PRKCA: variants seen among roughly 807,000 people sequenced by gnomAD.
The protein encoded by PRKCA is protein kinase C alpha type.
Under a neutral mutation model 87.0 loss-of-function variants are expected in PRKCA, and 27 were observed. That is an observed-to-expected ratio of 0.31 (90% CI 0.23 to 0.43). The LOEUF is 0.43. Among genes scored for constraint, PRKCA ranks in the 20% least tolerant of loss-of-function variants. The probability of loss-of-function intolerance (pLI) is 1.00; values close to 1 mark genes in which losing one functional copy is unlikely to be tolerated. For missense variants in PRKCA, 518 were observed against 852.3 expected (o/e 0.61, Z 4.88); for synonymous variants, 329 against 311.1 (o/e 1.06, Z -0.61).
intron 2 of PRKCA, among the ~76,000 whole-genome samples, chr17:66,333,694 G>C (rs887399949): frequency 6.6e-6 from 1 of 152,050 alleles, no homozygotes; most frequent in African/African-American, 2.4e-5. Context: ...CAGTTCTGTT[G>C]TCAGCCTCCC....
intron 2 of PRKCA, among the ~76,000 whole-genome samples, chr17:66,327,050 C>A (rs1441349635): frequency 6.6e-6 from 1 of 151,894 alleles, no homozygotes; most frequent in Non-Finnish European, 1.5e-5. Flanking sequence ...GCCTGAGTGA[C>A]CAAGTGATAC....
At chr17:66,565,391 A>G (rs1235354624) in intron 3 of PRKCA, among the ~76,000 whole-genome samples, 1 of 152,176 alleles carries the variant, frequency 6.6e-6, no homozygotes, top group African/African-American at 2.4e-5. Flanking sequence ...TTGCTTTCTC[A>G]TCCAGCAATC....
At chr17:66,525,573 A>G (rs977865331) in intron 3 of PRKCA, among the ~76,000 whole-genome samples, 1 of 152,172 alleles carries the variant, frequency 6.6e-6, no homozygotes, top group Admixed American at 6.6e-5. Context: ...AGGGTGGAAG[A>G]TCGCCAGGGC....
At chr17:66,557,225 T>G (rs1173221514) in intron 3 of PRKCA, among the ~76,000 whole-genome samples, 1 of 152,208 alleles carries the variant, frequency 6.6e-6, no homozygotes, top group Non-Finnish European at 1.5e-5. Flanking sequence ...TCTGATTTTT[T>G]TAAGGGCCTT....
intron 3 of PRKCA, among the ~76,000 whole-genome samples, chr17:66,623,544 A>T (rs777782651): frequency 6.6e-5 from 10 of 152,252 alleles, no homozygotes; most frequent in Non-Finnish European, 8.8e-5. Flanking sequence ...GGAATGCAGG[A>T]TTCATTCGTT....
intron 5 of PRKCA, among the ~76,000 whole-genome samples, chr17:66,682,055 C>T (rs547855342): frequency 2.2e-4 from 33 of 152,316 alleles, no homozygotes; most frequent in South Asian, 6.2e-4. Flanking sequence ...CCCAGTCCTG[C>T]GAGCTGAGGA....
intron 5 of PRKCA, among the ~76,000 whole-genome samples, chr17:66,652,242 A>G (rs1164737831): frequency 6.6e-6 from 1 of 152,174 alleles, no homozygotes; most frequent in Non-Finnish European, 1.5e-5. Context: ...TACAGGCGTG[A>G]GCCACCGTGC....
intron 2 of PRKCA, among the ~76,000 whole-genome samples, chr17:66,326,488 A>G (rs967818746): frequency 7.9e-5 from 12 of 152,210 alleles, no homozygotes; most frequent in African/African-American, 2.9e-4. Flanking sequence ...GGTTTCAAAG[A>G]TGCATGAAAA....
At chr17:66,318,332 G>A (rs570201977) in intron 2 of PRKCA, among the ~76,000 whole-genome samples, 1 of 152,210 alleles carries the variant, frequency 6.6e-6, no homozygotes, top group Admixed American at 6.5e-5. Flanking sequence ...GAAACATGGA[G>A]GAATGATTTT....
At chr17:66,420,080 C>G (rs1026164589) in intron 2 of PRKCA, among the ~76,000 whole-genome samples, 3 of 150,334 alleles carry the variant, frequency 2.0e-5, no homozygotes, top group Non-Finnish European at 4.4e-5. Context: ...GGCGCAATCT[C>G]GGCTCACTGC....
rs1976070562 is a variant in PRKCA, at chr17:66,807,987, A to G, written c.*3950A>G. 6.6e-6 allele frequency: 1 copy of G among 152,304 alleles called. No homozygotes were observed. The highest frequency in any genetic ancestry group is 2.1e-4 in the South Asian group (1 of 4,822). 9.4% of individuals were successfully genotyped at this position (152,304 alleles called of 1,614,324 possible). On this transcript the variant is annotated 3_prime_UTR_variant, in exon 17 of 17. Coordinates refer to ENST00000413366, the MANE Select transcript of PRKCA (RefSeq NM_002737.3). This position sits in a 1 kb window ranked among gnomAD's most constrained non-coding sequence, Gnocchi z 4.3. ...AAGTTTCTGTCTGCTGGCCCTCAAG[A>G]GAGTGTTTTGCCAGGGACACAGTCT...
chr17:66,452,908 T>G (rs1387517488), intron 2 of PRKCA, among the ~76,000 whole-genome samples: 1 of 152,128 alleles, frequency 6.6e-6, no homozygotes, highest in Non-Finnish European at 1.5e-5. Context: ...TAACTAGAAA[T>G]TATGAGGTTT....
At position 66,445,846 on chromosome 17, in the gene PRKCA, A is replaced by T. The variant is rs558336581; in HGVS notation, c.206-50355A>T. On this transcript the variant is annotated intron_variant, in intron 2 of 16. Transcript: ENST00000413366. ...TTGAGACAGGGTCTGGCTCTGGCTC[A>T]GGCTCTGTCCAGGCTGGAGTGCAGT... Among the ~76,000 whole-genome samples, 3 of 150,554 alleles carry T rather than the reference A, an allele frequency of 2.0e-5. No homozygotes were observed. The South Asian group carries it at 6.3e-4, about 32-fold the overall frequency.
chr17:66,541,882 G>T (rs1967999799), intron 3 of PRKCA, among the ~76,000 whole-genome samples: 1 of 152,170 alleles, frequency 6.6e-6, no homozygotes, highest in South Asian at 2.1e-4. Context: ...TAAATGTCAA[G>T]GCCCTAAGCT....
At chr17:66,786,022 G>A (rs1975377947) in intron 14 of PRKCA, among the ~76,000 whole-genome samples, 1 of 152,116 alleles carries the variant, frequency 6.6e-6, no homozygotes, top group Non-Finnish European at 1.5e-5. Context: ...TAGAGACGGG[G>A]TTTCACCATG....
At chr17:66,488,345 G>A (rs948390788) in intron 2 of PRKCA, among the ~76,000 whole-genome samples, 3 of 152,150 alleles carry the variant, frequency 2.0e-5, no homozygotes, top group African/African-American at 4.8e-5. Flanking sequence ...TTAATGGTTC[G>A]TGTGACTGAA....
intron 13 of PRKCA, 144 bp downstream of exon 13, chr17:66,742,904 A>G (rs1028396584): frequency 2.2e-6 from 2 of 901,958 alleles, no homozygotes; most frequent in Non-Finnish European, 3.2e-6. Context: ...AAAACAGACT[A>G]AAATAGAGGA....
chr17:66,454,617 A>G (rs1914496955), intron 2 of PRKCA, among the ~76,000 whole-genome samples: 1 of 152,202 alleles, frequency 6.6e-6, no homozygotes. Context: ...GCACATCCAC[A>G]TGGCAGCAGA....
At chr17:66,318,683 T>G (rs972873991) in intron 2 of PRKCA, among the ~76,000 whole-genome samples, 2 of 151,996 alleles carry the variant, frequency 1.3e-5, no homozygotes, top group African/African-American at 4.8e-5. Context: ...AGTGAAACCT[T>G]GTCTCCACTA....
Sources: allele counts gnomAD v4.1 joint callset (sites outside exome capture counted in the v4.1 genomes callset), GRCh38; gene constraint gnomAD v4.1.1; non-coding constraint Gnocchi (gnomAD v3.1); transcripts MANE v1.5; gene names NCBI Gene and HGNC (gene_info 2026-07-23, HGNC 2026-07-21).